The following ROBO2 variants were observed in gnomAD, a reference collection of about 807,000 sequenced individuals.
ROBO2 encodes the protein roundabout guidance receptor 2.
In ROBO2, 53 loss-of-function variants were observed where a neutral mutation model predicts 160.8. The observed-to-expected ratio is 0.33, with a 90% CI of 0.26 to 0.41. The LOEUF is 0.41. ROBO2 is among the 10% of genes least tolerant of loss of function. The probability of loss-of-function intolerance (pLI) is 1.00; values close to 1 mark genes in which losing one functional copy is unlikely to be tolerated. For missense variants in ROBO2, 1,577 were observed against 1,722.4 expected (o/e 0.92, Z 1.49); for synonymous variants, 664 against 611.7 (o/e 1.09, Z -1.26).
intron 2 of ROBO2, among the ~76,000 whole-genome samples, chr3:76,732,810 G>T (rs918049467): frequency 1.3e-5 from 2 of 152,146 alleles, no homozygotes; most frequent in African/African-American, 4.8e-5. Flanking sequence ...TTTTACTTCT[G>T]TATATATGGC....
intron 1 of ROBO2, among the ~76,000 whole-genome samples, chr3:77,085,941 A>G (rs1322202948): frequency 2.6e-5 from 4 of 152,104 alleles, no homozygotes. Context: ...TGTGCCCTCA[A>G]TAAAGTTTAT....
intron 2 of ROBO2, among the ~76,000 whole-genome samples, chr3:76,490,959 T>TG (rs577144745): frequency 6.2e-5 from 5 of 80,944 alleles, no homozygotes; most frequent in African/African-American, 4.0e-4. Context: ...ATTAATTTTG[T>TG]TTTTTTTTTG....
At chr3:76,607,779 AC>A (rs1388932817) in intron 2 of ROBO2, among the ~76,000 whole-genome samples, 2 of 152,224 alleles carry the variant, frequency 1.3e-5, no homozygotes, top group African/African-American at 4.8e-5. Flanking sequence ...AGTCATCTTG[AC>A]ATCTCCTTCT....
intron 2 of ROBO2, among the ~76,000 whole-genome samples, chr3:77,206,101 T>C (rs1402496062): frequency 2.0e-5 from 3 of 152,190 alleles, no homozygotes; most frequent in Non-Finnish European, 4.4e-5. Context: ...CTTCACATGC[T>C]GTCTTCGCTT....
intron 2 of ROBO2, among the ~76,000 whole-genome samples, chr3:76,998,274 A>G (rs1057051537): frequency 6.6e-6 from 1 of 152,174 alleles, no homozygotes; most frequent in Non-Finnish European, 1.5e-5. Context: ...AGATAAGGAC[A>G]TATCACAGAT....
intron 2 of ROBO2, among the ~76,000 whole-genome samples, chr3:76,139,058 C>A (rs939742628): frequency 6.6e-6 from 1 of 152,134 alleles, no homozygotes; most frequent in Non-Finnish European, 1.5e-5. Context: ...TGTGTGTTCA[C>A]TTAATCTTGT....
intron 1 of ROBO2, among the ~76,000 whole-genome samples, chr3:77,092,725 A>G (rs910258467): frequency 1.3e-5 from 2 of 149,208 alleles, no homozygotes; most frequent in African/African-American, 4.9e-5. Flanking sequence ...ACCAGACATG[A>G]TATCAGTCAC....
At position 76,749,495 on chromosome 3, in the gene ROBO2, G is replaced by A. The variant is rs190027578; in HGVS notation, c.110-348519G>A. Among the ~76,000 whole-genome samples, 478 of 152,094 alleles carry A rather than the reference G, an allele frequency of 3.1e-3. 3 individuals are homozygous for A. Among genetic ancestry groups the A allele is most frequent in the Admixed American group, 9.6e-3 (146 of 15,248 alleles). On this transcript the variant is annotated intron_variant, in intron 2 of 26. Transcript: ENST00000487694. ...CCTGTTCTCAGCTGCTCATGATCTA[G>A]GGAGTGAGTTAGCTATACCATCACA...
chr3:77,165,251 T>A (rs552653023), intron 2 of ROBO2, among the ~76,000 whole-genome samples: 61 of 149,590 alleles, frequency 4.1e-4, no homozygotes, highest in African/African-American at 1.4e-3. Context: ...CCTGTTGATC[T>A]GTGACCTTAC....
intron 2 of ROBO2, among the ~76,000 whole-genome samples, chr3:77,154,607 C>A (rs2077826113): frequency 6.6e-6 from 1 of 152,052 alleles, no homozygotes; most frequent in Admixed American, 6.6e-5. Context: ...ATAGCAAAGA[C>A]ATGGAATCAA....
chr3:77,628,585 A>T (rs2095087104), intron 23 of ROBO2, among the ~76,000 whole-genome samples: 1 of 152,164 alleles, frequency 6.6e-6, no homozygotes, highest in Non-Finnish European at 1.5e-5. Context: ...TACAGAAGGA[A>T]TTCTAACATC....
chr3:77,378,575 C>G (rs9859662), intron 2 of ROBO2, among the ~76,000 whole-genome samples: 42,583 of 151,976 alleles, frequency 0.28, 6,453 homozygotes, highest in East Asian at 0.55. Context: ...GTGGTAAAGC[C>G]AGGATTTGAA....
At chr3:77,110,430 T>C (rs2073420245) in intron 2 of ROBO2, among the ~76,000 whole-genome samples, 1 of 152,084 alleles carries the variant, frequency 6.6e-6, no homozygotes, top group African/African-American at 2.4e-5. Flanking sequence ...TCATTAACAT[T>C]GGTCTATTTG....
At chr3:75,911,548 G>GTTTT (rs1205150535) in intron 1 of ROBO2, among the ~76,000 whole-genome samples, 1 of 82,972 alleles carries the variant, frequency 1.2e-5, no homozygotes, top group Non-Finnish European at 2.6e-5. Context: ...CTGAAGCCTT[G>GTTTT]TTTCTTTTTT....
At chr3:77,234,961 A>G (rs746978155) in intron 2 of ROBO2, among the ~76,000 whole-genome samples, 58 of 152,172 alleles carry the variant, frequency 3.8e-4, no homozygotes, top group Admixed American at 7.2e-4. Context: ...ATTATGTTTA[A>G]GCATTGTGAA....
intron 2 of ROBO2, among the ~76,000 whole-genome samples, chr3:77,340,854 T>C (rs552996570): frequency 6.6e-6 from 1 of 152,218 alleles, no homozygotes; most frequent in East Asian, 1.9e-4. Flanking sequence ...TAGCTAACAA[T>C]TTTCCTGATC....
chr3:77,138,495 A>G (rs1036926261), intron 2 of ROBO2, among the ~76,000 whole-genome samples: 15 of 152,248 alleles, frequency 9.9e-5, no homozygotes, highest in African/African-American at 3.4e-4. Flanking sequence ...TCTCTAGTGT[A>G]TCCAGGTTAG....
chr3:76,460,404 G>C (rs1442445995), intron 2 of ROBO2, among the ~76,000 whole-genome samples: 3 of 152,126 alleles, frequency 2.0e-5, no homozygotes, highest in Non-Finnish European at 4.4e-5. Context: ...GGCTGGGCAT[G>C]GTGACTCACT....
At chr3:77,066,986 T>C (rs901717047) in intron 1 of ROBO2, among the ~76,000 whole-genome samples, 53 of 149,008 alleles carry the variant, frequency 3.6e-4, no homozygotes, top group African/African-American at 1.3e-3. Flanking sequence ...CCTCCACCCC[T>C]GCAACACACA....
Sources: gnomAD v4.1 joint callset for allele counts (sites outside exome capture counted in the v4.1 genomes callset) on GRCh38, gnomAD v4.1.1 for gene constraint, MANE v1.5 for transcripts, NCBI Gene and HGNC (gene_info 2026-07-23, HGNC 2026-07-21) for gene names.